Variants in GPM6A observed in about 807,000 individuals in gnomAD.
GPM6A encodes the protein glycoprotein M6A, also known as neuronal membrane glycoprotein M6-a.
Under a neutral mutation model 32.1 loss-of-function variants are expected in GPM6A, and 7 were observed. That is an observed-to-expected ratio of 0.22 (90% CI 0.12 to 0.41). The LOEUF (loss-of-function observed/expected upper bound fraction) is 0.41, where lower values mean the gene tolerates loss of function less well. GPM6A is among the 10% of genes least tolerant of loss of function. The pLI is 1.00. For missense variants in GPM6A, 235 were observed against 347.2 expected (o/e 0.68, Z 2.57); for synonymous variants, 130 against 123.4 (o/e 1.05, Z -0.35).
At chr4:175,839,527 G>A (rs1735874716) in intron 1 of GPM6A, among the ~76,000 whole-genome samples, 3 of 152,224 alleles carry the variant, frequency 2.0e-5, no homozygotes, top group Admixed American at 6.5e-5. Flanking sequence ...ATGACAGACT[G>A]AGAGCAGTAT....
chr4:175,932,972 T>C (rs1739099585), intron 1 of GPM6A, among the ~76,000 whole-genome samples: 1 of 152,050 alleles, frequency 6.6e-6, no homozygotes. Context: ...ATTACAGTCA[T>C]ATTCATTGCA....
rs1235843035 is a variant in GPM6A, at chr4:175,637,237, TTATATATTATATATAATATAAAA to T, written c.685-2203_685-2181del. ...TATCATATATAATATAAAATATATA[TTATATATTATATATAATATAAAA>T]TATATATTATATATTATATATTATA... is the stretch of plus-strand genomic sequence containing the variant. On this transcript the variant is annotated intron_variant, in intron 6 of 6. Transcript: ENST00000393658. 5.6e-4 allele frequency among the ~76,000 whole-genome samples: 17 copies of T among 30,480 alleles called. 1 individual carries two copies. The highest frequency in any genetic ancestry group is 3.3e-3 in the Admixed American group (5 of 1,520). 20.0% of individuals were successfully genotyped at this position (30,480 alleles called of 152,430 possible).
chr4:175,778,337 G>GAA (rs1733474181), intron 1 of GPM6A, among the ~76,000 whole-genome samples: 1 of 151,978 alleles, frequency 6.6e-6, no homozygotes, highest in African/African-American at 2.4e-5. Flanking sequence ...TGATGACAAA[G>GAA]AAAACTCTGT....
At chr4:175,966,280 T>C (rs191969187) in intron 1 of GPM6A, among the ~76,000 whole-genome samples, 1 of 151,888 alleles carries the variant, frequency 6.6e-6, no homozygotes, top group Non-Finnish European at 1.5e-5. Flanking sequence ...CATGTGCCTG[T>C]AGTCAGAGCT....
chr4:175,693,300 A>AT (rs1491418914), intron 2 of GPM6A, among the ~76,000 whole-genome samples: 22 of 148,136 alleles, frequency 1.5e-4, no homozygotes, highest in African/African-American at 4.4e-4. Flanking sequence ...ATATATATAT[A>AT]AAATATACAT....
intron 1 of GPM6A, among the ~76,000 whole-genome samples, chr4:175,990,509 C>A (rs758989468): frequency 9.9e-5 from 15 of 152,150 alleles, no homozygotes; most frequent in Non-Finnish European, 2.1e-4. Flanking sequence ...ACTTACCCTG[C>A]ATCCTTCGTT....
intron 1 of GPM6A, chr4:175,787,533 G>A (rs1733849639): frequency 2.1e-6 from 3 of 1,429,720 alleles, no homozygotes; most frequent in African/African-American, 1.4e-5. Flanking sequence ...GATTTCATCA[G>A]TATCAACATC....
chr4:175,786,112 A>G (rs1733788067), intron 1 of GPM6A, among the ~76,000 whole-genome samples: 1 of 152,180 alleles, frequency 6.6e-6, no homozygotes, highest in Non-Finnish European at 1.5e-5. Flanking sequence ...TAAACTTTCA[A>G]CAGAAAACAC....
chr4:175,657,354 A>C (rs1742135688), intron 3 of GPM6A, among the ~76,000 whole-genome samples: 1 of 152,230 alleles, frequency 6.6e-6, no homozygotes, highest in Non-Finnish European at 1.5e-5. Flanking sequence ...TCATCTGGTT[A>C]ATGTGAGAGA....
chr4:175,964,356 GTAAA>G (rs1267559691), intron 1 of GPM6A, among the ~76,000 whole-genome samples: 1 of 151,972 alleles, frequency 6.6e-6, no homozygotes, highest in Non-Finnish European at 1.5e-5. Context: ...ATAGATAAAA[GTAAA>G]TGAATGAAGA....
intron 6 of GPM6A, 142 bp from the exon 7 acceptor site, chr4:175,635,199 C>T (rs1740508809): frequency 4.6e-6 from 3 of 655,038 alleles, no homozygotes; most frequent in Non-Finnish European, 5.3e-6. Context: ...TCTTTGGTAA[C>T]AGAAACAATA....
chr4:175,690,705 T>C (rs1005241703), intron 2 of GPM6A, among the ~76,000 whole-genome samples: 2 of 152,198 alleles, frequency 1.3e-5, no homozygotes, highest in Admixed American at 6.5e-5. Flanking sequence ...TAAGGACACT[T>C]GTGTGGGGAT....
chr4:175,866,508 A>T (rs911764255), intron 1 of GPM6A, among the ~76,000 whole-genome samples: 1 of 152,184 alleles, frequency 6.6e-6, no homozygotes, highest in Non-Finnish European at 1.5e-5. Context: ...TATAGTTAGA[A>T]TCATGGAGTA....
intron 1 of GPM6A, among the ~76,000 whole-genome samples, chr4:175,749,642 ACTT>A (rs1732242690): frequency 6.6e-6 from 1 of 152,170 alleles, no homozygotes; most frequent in Non-Finnish European, 1.5e-5. Context: ...GCAGGGTATA[ACTT>A]TATATCTTGA....
intron 6 of GPM6A, among the ~76,000 whole-genome samples, chr4:175,639,238 T>A (rs1039789410): frequency 1.3e-5 from 2 of 152,194 alleles, no homozygotes; most frequent in African/African-American, 4.8e-5. Context: ...AATTAGCACA[T>A]TAGTATTTTC....
intron 1 of GPM6A, among the ~76,000 whole-genome samples, chr4:175,792,144 C>T (rs1579505639): frequency 6.6e-6 from 1 of 152,110 alleles, no homozygotes; most frequent in Non-Finnish European, 1.5e-5. Context: ...ATTTCAGTCT[C>T]TTTAATTTCC....
chr4:175,804,478 C>G (rs930119935), intron 1 of GPM6A, among the ~76,000 whole-genome samples: 3 of 152,044 alleles, frequency 2.0e-5, no homozygotes, highest in Non-Finnish European at 4.4e-5. Flanking sequence ...AGTTTGAACC[C>G]AATGGCCCTT....
At chr4:175,789,774 A>G (rs1733940089) in intron 1 of GPM6A, among the ~76,000 whole-genome samples, 1 of 152,202 alleles carries the variant, frequency 6.6e-6, no homozygotes, top group South Asian at 2.1e-4. Context: ...TCGTTTTACC[A>G]TCTTCCTGCT....
intron 1 of GPM6A, among the ~76,000 whole-genome samples, chr4:175,862,819 G>T (rs74620218): frequency 0.031 from 4,727 of 150,938 alleles, 222 homozygotes; most frequent in African/African-American, 0.11. Flanking sequence ...TGCAAATTTT[G>T]CATTTAAAAA....
Sources: gnomAD v4.1 joint callset for allele counts (sites outside exome capture counted in the v4.1 genomes callset) on GRCh38, gnomAD v4.1.1 for gene constraint, MANE v1.5 for transcripts, NCBI Gene and HGNC (gene_info 2026-07-23, HGNC 2026-07-21) for gene names.